The following RNF125 variants were observed in gnomAD, a reference collection of about 807,000 sequenced individuals.
RNF125 encodes E3 ubiquitin-protein ligase RNF125.
A neutral mutation model predicts 26.0 loss-of-function variants in RNF125; 21 were observed. That is an observed-to-expected ratio of 0.81 (90% confidence interval 0.57 to 1.16). The LOEUF (loss-of-function observed/expected upper bound fraction) is 1.16. Among genes scored for constraint, RNF125 ranks in the 50% most tolerant of loss-of-function variants. The pLI is 0.00. For synonymous variants in RNF125, 95 were observed against 109.2 expected, an observed-to-expected ratio of 0.87 and a Z score of 0.81; for missense variants, 270 against 299.4, an observed-to-expected ratio of 0.90 and a Z score of 0.72.
intron 4 of RNF125, among the ~76,000 whole-genome samples, chr18:32,057,310 C>G (rs900540417): frequency 6.6e-6 from 1 of 150,664 alleles, no homozygotes; most frequent in Admixed American, 6.6e-5. Context: ...TTATGATTCT[C>G]AGTAAAATAG....
chr18:32,021,289 C>G (rs1266988773), intron 1 of RNF125, among the ~76,000 whole-genome samples: 1 of 152,172 alleles, frequency 6.6e-6, no homozygotes, highest in South Asian at 2.1e-4. Flanking sequence ...ACCGTGTTAG[C>G]CAGGATGGTC....
chr18:32,045,501 C>T, intron 3 of RNF125, 141 bp from the exon 4 acceptor site: 1 of 412,036 alleles, frequency 2.4e-6, no homozygotes, highest in Non-Finnish European at 4.5e-6. Flanking sequence ...GGGGAGGTTG[C>T]ATTGAGCTGA....
At chr18:32,035,758 A>C (rs1333825109) in intron 1 of RNF125, among the ~76,000 whole-genome samples, 2 of 152,256 alleles carry the variant, frequency 1.3e-5, no homozygotes, top group African/African-American at 4.8e-5. Context: ...AGCAGGGATG[A>C]GAAAGCTGCA....
chr18:32,088,455 T>G, the RNF125 span, among the ~76,000 whole-genome samples: 1 of 152,218 alleles, frequency 6.6e-6, no homozygotes, highest in Non-Finnish European at 1.5e-5. Context: ...TTTTCTCTTT[T>G]GCATATCAAG....
chr18:32,033,206 A>G (rs2039116398), intron 1 of RNF125, among the ~76,000 whole-genome samples: 1 of 152,184 alleles, frequency 6.6e-6, no homozygotes, highest in Non-Finnish European at 1.5e-5. Context: ...AAGAGGACAT[A>G]GGAACAAATT....
At chr18:32,089,843 A>T in the RNF125 span, among the ~76,000 whole-genome samples, 1 of 132,694 alleles carries the variant, frequency 7.5e-6, no homozygotes, top group East Asian at 2.1e-4. Flanking sequence ...TCACAAAATT[A>T]ATGTTATGGT....
Position 32,069,250 on chromosome 18 carries a change from C to T in RNF125, c.*866C>T, listed in dbSNP as rs2144521304. 1 of 149,854 alleles carries T rather than the reference C, an allele frequency of 6.7e-6. No homozygotes were observed. Among genetic ancestry groups the T allele is most frequent in the South Asian group, 2.1e-4 (1 of 4,692 alleles). 9.3% of individuals were successfully genotyped at this position (149,854 alleles called of 1,614,324 possible). On this transcript the variant is annotated 3_prime_UTR_variant, in exon 6 of 6. Coordinates refer to ENST00000217740, the MANE Select transcript of RNF125 (RefSeq NM_017831.4). ...TTTAACCAAATTGTCTTACATAATA[C>T]TGTAACAAAACAAATTTTGTGTTAG... is the stretch of plus-strand genomic sequence containing the variant.
chr18:32,054,370 G>T (rs961202952), intron 4 of RNF125, among the ~76,000 whole-genome samples: 1 of 152,076 alleles, frequency 6.6e-6, no homozygotes, highest in African/African-American at 2.4e-5. Context: ...CGCGATTACC[G>T]GCATGAGCCA....
chr18:32,063,958 T>C (rs2039458046), intron 4 of RNF125, among the ~76,000 whole-genome samples: 1 of 151,664 alleles, frequency 6.6e-6, no homozygotes, highest in African/African-American at 2.4e-5. Context: ...AGTGACAGAA[T>C]GGTCTGTATC....
At chr18:32,025,996 AAG>A (rs1457522515) in intron 1 of RNF125, among the ~76,000 whole-genome samples, 2 of 152,020 alleles carry the variant, frequency 1.3e-5, no homozygotes, top group Admixed American at 1.3e-4. Context: ...CAGGATTTGA[AAG>A]AGAACAGAGA....
chr18:32,080,566 TAGAA>T, the RNF125 span, among the ~76,000 whole-genome samples: 1 of 152,190 alleles, frequency 6.6e-6, no homozygotes, highest in Non-Finnish European at 1.5e-5. Flanking sequence ...ATCAAACTCT[TAGAA>T]TGGTAGTTGA....
At chr18:32,064,396 C>CTTTCT (rs2039463959) in intron 4 of RNF125, among the ~76,000 whole-genome samples, 1 of 86,862 alleles carries the variant, frequency 1.2e-5, no homozygotes, top group African/African-American at 4.6e-5. Flanking sequence ...TTTTCTTTTT[C>CTTTCT]TTTTTTTTTT....
In RNF125 at chr18:32,042,161, G is replaced by C; in HGVS notation, c.319-18G>C. 1.9e-6 allele frequency: 3 copies of C among 1,580,440 alleles called. No individual in the cohort carries two copies. The highest frequency in any genetic ancestry group is 2.6e-6 in the Non-Finnish European group (3 of 1,151,588). On this transcript the variant is annotated intron_variant, in intron 2 of 5. Coordinates refer to ENST00000217740, the MANE Select transcript of RNF125 (RefSeq NM_017831.4). Reference sequence around the variant, plus strand: ...CCTTTTTTAACAGTGAGTTTATTTTGAATTTGTTTTTATGTAGGTTTGCCT... The same window carrying C: ...CCTTTTTTAACAGTGAGTTTATTTTCAATTTGTTTTTATGTAGGTTTGCCT...
At position 32,045,634 on chromosome 18, in the gene RNF125, A is replaced by G. The variant is rs1311282823; in HGVS notation, c.414-8A>G. The G allele has an allele frequency of 1.3e-6, 2 of 1,587,224 alleles. No homozygotes were observed. The highest frequency in any genetic ancestry group is 1.1e-5 in the South Asian group (1 of 89,472). ...TTTAATATTATTTGTATTCTGTGCT[A>G]TTTCCAGGTGTGTATGTCCCTTTTG... is the stretch of plus-strand genomic sequence containing the variant. On this transcript the variant is annotated splice_polypyrimidine_tract_variant and splice_region_variant and intron_variant, in intron 3 of 5. Coordinates refer to ENST00000217740, the MANE Select transcript of RNF125 (RefSeq NM_017831.4).
At position 32,052,230 on chromosome 18, in the gene RNF125, C is replaced by G. The variant is rs576664367; in HGVS notation, c.504+6498C>G. Among the ~76,000 whole-genome samples the G allele has an allele frequency of 3.3e-5, 5 of 151,808 alleles. No homozygotes were observed. In the East Asian group the frequency reaches 9.8e-4, roughly 30 times the overall value. ...CTTTCAGTGGCCGGGTGTGGTGGCT[C>G]GTGCCTGTAATCCCAGCACTTTGGG... On this transcript the variant is annotated intron_variant, in intron 4 of 5. Coordinates refer to ENST00000217740, the MANE Select transcript of RNF125 (RefSeq NM_017831.4).
downstream of RNF125, chr18:32,076,019 C>G (rs1226377541): frequency 5.7e-6 from 5 of 880,612 alleles, no homozygotes; most frequent in Admixed American, 1.7e-5. Flanking sequence ...TGCCATTTTT[C>G]TAGATCTTTG....
At chr18:32,045,186 T>C (rs897375352) in intron 3 of RNF125, among the ~76,000 whole-genome samples, 3 of 151,972 alleles carry the variant, frequency 2.0e-5, no homozygotes, top group Non-Finnish European at 4.4e-5. Flanking sequence ...TAAATCCTTA[T>C]GTACACTTAG....
chr18:32,084,746 A>G, the RNF125 span, among the ~76,000 whole-genome samples: 3 of 152,250 alleles, frequency 2.0e-5, no homozygotes. Flanking sequence ...ACTGTAACAT[A>G]GAGGCCAGAT....
chr18:32,088,593 C>T, the RNF125 span, among the ~76,000 whole-genome samples: 1 of 152,160 alleles, frequency 6.6e-6, no homozygotes, highest in East Asian at 1.9e-4. Flanking sequence ...ACTTCTGCCT[C>T]CTGGGTTCAA....
Sources: allele counts gnomAD v4.1 joint callset (sites outside exome capture counted in the v4.1 genomes callset), GRCh38; gene constraint gnomAD v4.1.1; transcripts MANE v1.5; gene names NCBI Gene and HGNC (gene_info 2026-07-23, HGNC 2026-07-21).